Variants in HLA-DRB1 observed in about 807,000 individuals in gnomAD.
HLA-DRB1 encodes major histocompatibility complex, class II, DR beta 1.
In HLA-DRB1, 10 loss-of-function variants were observed where a neutral mutation model predicts 27.9. That is an observed-to-expected ratio of 0.36 (90% CI 0.22 to 0.61). HLA-DRB1 has a LOEUF of 0.61. HLA-DRB1 is among the 20% of genes least tolerant of loss of function. The pLI is 0.73. For missense variants in HLA-DRB1, 118 were observed against 306.3 expected (o/e 0.39, Z 4.59); for synonymous variants, 57 against 126.7 (o/e 0.45, Z 3.69).
intron 2 of HLA-DRB1, among the ~76,000 whole-genome samples, chr6:32,582,520 C>A (rs9269852): frequency 0.3 from 27,843 of 92,776 alleles, 4,830 homozygotes; most frequent in East Asian, 0.42. Context: ...GAATACTACT[C>A]CCATGCACTC....
intron 1 of HLA-DRB1, among the ~76,000 whole-genome samples, chr6:32,585,536 C>G (rs35632403): frequency 3.1e-5 from 2 of 64,206 alleles, no homozygotes; most frequent in Admixed American, 1.7e-4. Flanking sequence ...CCCATTTTAA[C>G]TTTTCTGATC....
chr6:32,589,488 T>G, intron 1 of HLA-DRB1, among the ~76,000 whole-genome samples, 155 bp downstream of exon 1: 1 of 124,088 alleles, frequency 8.1e-6, no homozygotes, highest in African/African-American at 3.1e-5. Flanking sequence ...CAAGCTCCTT[T>G]TATGGAGGAA....
chr6:32,589,487 T>G (rs1777044339), intron 1 of HLA-DRB1, among the ~76,000 whole-genome samples, 156 bp downstream of exon 1: 1 of 123,592 alleles, frequency 8.1e-6, no homozygotes, highest in African/African-American at 3.1e-5. Context: ...CCAAGCTCCT[T>G]TTATGGAGGA....
At chr6:32,580,812 C>T (rs531360990) in exon 4 of HLA-DRB1, 6 of 1,613,310 alleles carry the variant, frequency 3.7e-6, no homozygotes, top group Admixed American at 1.7e-5. Context: ...ACAAAGCCCC[C>T]GACTCCACTC....
At chr6:32,586,230 C>T (rs34891954) in intron 1 of HLA-DRB1, among the ~76,000 whole-genome samples, 10,527 of 68,548 alleles carry the variant, frequency 0.15, 1,459 homozygotes, top group Middle Eastern at 0.4. Flanking sequence ...TCAGCTGGCT[C>T]CCTGAACCCA....
intron 2 of HLA-DRB1, among the ~76,000 whole-genome samples, chr6:32,582,614 G>A (rs28724003): frequency 4.7e-4 from 42 of 88,694 alleles, no homozygotes; most frequent in African/African-American, 1.0e-3. Flanking sequence ...TACTTTCCTA[G>A]AAAAGCATGA....
chr6:32,586,638 G>T, intron 1 of HLA-DRB1, among the ~76,000 whole-genome samples: 1 of 53,688 alleles, frequency 1.9e-5, no homozygotes. Context: ...TACACGTATT[G>T]CTGCTGCCAA....
At chr6:32,589,560 G>A in intron 1 of HLA-DRB1, 83 bp downstream of exon 1, 1 of 569,964 alleles carries the variant, frequency 1.8e-6, no homozygotes, top group Non-Finnish European at 2.9e-6. Context: ...AATTTCTTAA[G>A]GGACATGGCC....
At position 32,584,172 on chromosome 6, in the gene HLA-DRB1, CGG is replaced by C. The variant is rs753645589; in HGVS notation, c.305_306del (p.Ala102GlyfsTer25). 1.5e-5 allele frequency: 18 copies of C among 1,182,812 alleles called. No individual in the cohort carries two copies. Among genetic ancestry groups the C allele is most frequent in the East Asian group, 3.0e-5 (1 of 32,924 alleles). 73.3% of individuals were successfully genotyped at this position (1,182,812 alleles called of 1,614,324 possible). A position where few individuals can be genotyped will look rare whatever the true frequency, so the allele number is the denominator to read the frequency against. The stretch of plus-strand genomic sequence containing the variant: ...TTGTGTCTGCAGTAGGTGTCCACCG[CGG>C]CCCGCGCCTGCTCCAGGATGTCCTT... On this transcript the variant is annotated frameshift_variant, in exon 2 of 6. Coordinates refer to ENST00000360004, the Ensembl canonical transcript of HLA-DRB1. LOFTEE classifies it high-confidence loss of function.
intron 3 of HLA-DRB1, 131 bp downstream of exon 3, chr6:32,581,426 C>G (rs1267425588): frequency 1.5e-4 from 70 of 461,184 alleles, no homozygotes; most frequent in Admixed American, 2.1e-4. Context: ...CCCCAGTGAC[C>G]TGTGCTGATG....
intron 5 of HLA-DRB1, among the ~76,000 whole-genome samples, chr6:32,579,823 G>GAAAAGTTCTCCAAGTCCCCACC (rs1554122881): frequency 2.5e-5 from 1 of 40,466 alleles, no homozygotes; most frequent in Non-Finnish European, 5.1e-5. Context: ...CCTCTTGTAG[G>GAAAAGTTCTCCAAGTCCCCACC]CCGGGCGCGG....
intron 2 of HLA-DRB1, among the ~76,000 whole-genome samples, chr6:32,583,864 C>T (rs1413217994): frequency 1.6e-5 from 1 of 64,508 alleles, no homozygotes; most frequent in East Asian, 3.8e-4. Context: ...CCTGCCTCCC[C>T]TCCCACAACA....
intron 2 of HLA-DRB1, among the ~76,000 whole-genome samples, chr6:32,583,593 C>T (rs1775871687): frequency 1.6e-5 from 1 of 62,686 alleles, no homozygotes; most frequent in African/African-American, 6.7e-5. Flanking sequence ...AAACAAACAG[C>T]ACACACTTTT....
At chr6:32,587,756 C>T (rs1261055187) in intron 1 of HLA-DRB1, among the ~76,000 whole-genome samples, 1,457 of 94,178 alleles carry the variant, frequency 0.015, 50 homozygotes, top group Middle Eastern at 0.03. Context: ...GTCTTTTCTT[C>T]AGTGCACTAT....
At chr6:32,586,355 A>G (rs1776392265) in intron 1 of HLA-DRB1, among the ~76,000 whole-genome samples, 1 of 95,092 alleles carries the variant, frequency 1.1e-5, no homozygotes, top group Non-Finnish European at 2.1e-5. Flanking sequence ...TGCTCCATTG[A>G]CTGCAAATAT....
At position 32,581,081 on chromosome 6, in the gene HLA-DRB1, C is replaced by T. The variant is rs796076568; in HGVS notation, c.653-225G>A. ...ACAGCCTTGATGTAAGGCACAAGTT[C>T]AACATCTGATCCACAGAAAGCCTGA... On this transcript the variant is annotated intron_variant, in intron 3 of 5. Transcript: ENST00000360004. Among the ~76,000 whole-genome samples the T allele has an allele frequency of 7.6e-3, 594 of 77,792 alleles. 14 individuals are homozygous for T. Among genetic ancestry groups the T allele is most frequent in the Middle Eastern group, 0.011 (2 of 176 alleles). 51.0% of individuals were successfully genotyped at this position (77,792 alleles called of 152,430 possible). A position where few individuals can be genotyped will look rare whatever the true frequency, so the allele number is the denominator to read the frequency against.
chr6:32,580,689 C>T (rs3830134), intron 4 of HLA-DRB1, 57 bp downstream of exon 4: 199,841 of 1,361,446 alleles, frequency 0.15, 92 homozygotes, highest in African/African-American at 0.16. Flanking sequence ...TCAGCAAAGC[C>T]ATAGTTCCTC....
At chr6:32,589,065 T>C (rs28724225) in intron 1 of HLA-DRB1, among the ~76,000 whole-genome samples, 114 of 113,432 alleles carry the variant, frequency 1.0e-3, no homozygotes, top group East Asian at 8.4e-3. Context: ...GAGCACTAAG[T>C]ATAACTTCTG....
At chr6:32,588,440 C>G (rs12661449) in intron 1 of HLA-DRB1, among the ~76,000 whole-genome samples, 17,938 of 78,276 alleles carry the variant, frequency 0.23, 3,007 homozygotes, top group Middle Eastern at 0.49. Context: ...GGTGACAGAG[C>G]CAGGCCCTAC....
Sources: gnomAD v4.1 joint callset for allele counts (sites outside exome capture counted in the v4.1 genomes callset) on GRCh38, gnomAD v4.1.1 for gene constraint, MANE v1.5 for transcripts, NCBI Gene and HGNC (gene_info 2026-07-23, HGNC 2026-07-21) for gene names.